The following SLC36A1 variants were observed in gnomAD, a reference collection of about 807,000 sequenced individuals.
SLC36A1 encodes solute carrier family 36 member 1, also known as proton-coupled amino acid transporter 1.
In SLC36A1, 30 loss-of-function variants were observed where a neutral mutation model predicts 47.5. That is an observed-to-expected ratio of 0.63 (90% confidence interval 0.47 to 0.86). The LOEUF is 0.86. Among genes scored for constraint, SLC36A1 ranks in the 40% least tolerant of loss-of-function variants. The pLI is 0.00. For synonymous variants in SLC36A1, 255 were observed against 249.7 expected, an observed-to-expected ratio of 1.02 and a Z score of -0.20; for missense variants, 517 against 606.0, an observed-to-expected ratio of 0.85 and a Z score of 1.54.
At chr5:151,523,390 G>A in the SLC36A1 span, among the ~76,000 whole-genome samples, 1 of 152,056 alleles carries the variant, frequency 6.6e-6, no homozygotes, top group African/African-American at 2.4e-5. Flanking sequence ...TATGAGATAG[G>A]TACTATCAAG....
the SLC36A1 span, chr5:151,543,067 G>T: frequency 6.2e-7 from 1 of 1,614,148 alleles, no homozygotes; most frequent in South Asian, 1.1e-5. Context: ...TTTCGGTAAG[G>T]ATACTTTTTT....
At position 151,488,531 on chromosome 5, in the gene SLC36A1, C is replaced by G. The variant is rs10076469; in HGVS notation, c.*277C>G. On this transcript the variant is annotated 3_prime_UTR_variant, in exon 11 of 11. Transcript: ENST00000243389. ...TTCCAGCTCCCCCTCATCATGCCTC[C>G]TCCTTCCTACCTGCCTCCCCTCTGC... is the stretch of plus-strand genomic sequence containing the variant. 0.02 allele frequency: 9,451 copies of G among 466,504 alleles called. 697 individuals carry two copies. The highest frequency in any genetic ancestry group is 0.17 in the African/African-American group (8,542 of 51,496). The allele number at this position is 466,504 out of a possible 1,614,324, so 28.9% of individuals were successfully genotyped here.
At chr5:151,365,357 G>A in the SLC36A1 span, among the ~76,000 whole-genome samples, 4 of 152,156 alleles carry the variant, frequency 2.6e-5, no homozygotes, top group Non-Finnish European at 4.4e-5. Context: ...CCTGGTTAAG[G>A]TGCCCAGTAA....
rs377427045 is a variant in SLC36A1, at chr5:151,464,552, C to G, written c.273C>G (p.Ala91=). 6.2e-7 allele frequency: 1 copy of G among 1,613,946 alleles called. No individual in the cohort carries two copies. The highest frequency in any genetic ancestry group is 1.3e-5 in the African/African-American group (1 of 74,912). The change falls in exon 4 of 11, where the codon GCC becomes GCG. Residue 91 remains alanine, a synonymous_variant. Transcript: ENST00000243389. ...PISLLIIGIV[A]VHCMGILVKC... Reference sequence around the variant, plus strand: ...GCCTGCTGATCATAGGCATCGTGGCCGTGCACTGCATGGGTATCCTGGTGA... The same window carrying G: ...GCCTGCTGATCATAGGCATCGTGGCGGTGCACTGCATGGGTATCCTGGTGA...
chr5:151,544,966 C>G, the SLC36A1 span: 3,380 of 1,614,146 alleles, frequency 2.1e-3, 60 homozygotes, highest in African/African-American at 0.04. Context: ...TCTGACCAAA[C>G]CCTGAGCCAC....
the SLC36A1 span, among the ~76,000 whole-genome samples, chr5:151,555,663 C>G: frequency 6.6e-6 from 1 of 152,174 alleles, no homozygotes; most frequent in African/African-American, 2.4e-5. Context: ...AGCCACCGTG[C>G]CTGGCTAATA....
chr5:151,493,529 GAAAATACATTTA>G (rs1345242226), downstream of SLC36A1, among the ~76,000 whole-genome samples: 2 of 152,176 alleles, frequency 1.3e-5, no homozygotes, highest in African/African-American at 4.8e-5. Flanking sequence ...TAGAACTCAG[GAAAATACATTTA>G]CCAGTATAAG....
chr5:151,530,611 A>G, the SLC36A1 span, among the ~76,000 whole-genome samples: 1 of 152,254 alleles, frequency 6.6e-6, no homozygotes. Flanking sequence ...CTAACAAACC[A>G]GTTTCGAAAA....
rs991897886 is a variant in SLC36A1, at chr5:151,464,499, A to G, written c.235-15A>G. 3 of 1,610,450 alleles carry G rather than the reference A, an allele frequency of 1.9e-6. No homozygotes were observed. Among genetic ancestry groups the G allele is most frequent in the Non-Finnish European group, 2.5e-6 (3 of 1,177,362 alleles). On this transcript the variant is annotated splice_polypyrimidine_tract_variant and intron_variant, in intron 3 of 10. Coordinates refer to ENST00000243389, the MANE Select transcript of SLC36A1 (RefSeq NM_078483.4). ...ACTTTTCTCTCTCTCTTTTGCCTGC[A>G]ATATCTGTCCCCAGATGGGTCCCAT...
chr5:151,536,531 A>C, the SLC36A1 span, among the ~76,000 whole-genome samples: 1 of 152,052 alleles, frequency 6.6e-6, no homozygotes, highest in Admixed American at 6.5e-5. Flanking sequence ...GCAGGGCAGG[A>C]ATCCCTCCTA....
Position 151,479,485 on chromosome 5 carries a change from G to C in SLC36A1, c.1155G>C (p.Leu385=). ...TTGTGCGCACAGTGCTGGTCTGCCT[G>C]ACATGTGAGTAGAAGATGATAATTG... ...DLFVRTVLVC[L]TCILAILIPR... The change falls in exon 10 of 11, where the codon CTG becomes CTC. Residue 385 remains leucine, a synonymous_variant. Transcript: ENST00000243389. 6.2e-7 allele frequency: 1 copy of C among 1,612,936 alleles called. No individual in the cohort carries two copies. Among genetic ancestry groups the C allele is most frequent in the Non-Finnish European group, 8.5e-7 (1 of 1,179,136 alleles).
At chr5:151,464,308 G>C (rs1443567505) in intron 3 of SLC36A1, among the ~76,000 whole-genome samples, 1 of 152,122 alleles carries the variant, frequency 6.6e-6, no homozygotes, top group Non-Finnish European at 1.5e-5. Flanking sequence ...TAAATCTCTC[G>C]AAAATGTGCT....
chr5:151,505,855 A>G, the SLC36A1 span: 12 of 1,610,330 alleles, frequency 7.5e-6, no homozygotes, highest in Non-Finnish European at 3.4e-6. Flanking sequence ...GGGGGCCGAG[A>G]GGGCATCAGA....
chr5:151,479,962 C>A, intron 10 of SLC36A1: 3 of 646,542 alleles, frequency 4.6e-6, no homozygotes, highest in Non-Finnish European at 7.8e-6. Flanking sequence ...TAATGTCAGT[C>A]TTACTAAATA....
chr5:151,528,593 A>G, the SLC36A1 span, among the ~76,000 whole-genome samples: 1 of 152,012 alleles, frequency 6.6e-6, no homozygotes, highest in African/African-American at 2.4e-5. Flanking sequence ...GTGAGCCCAG[A>G]GTGTGGAAGT....
chr5:151,476,699 A>G lies in SLC36A1; in HGVS notation c.932A>G (p.Tyr311Cys). ...ILYISLGCLG[Y>C]LQFGANIQGS... is the part of the protein sequence containing the mutation. ...TACATCAGCCTGGGGTGTCTGGGGT[A>G]CCTGCAATTTGGAGCTAATATCCAA... is the stretch of plus-strand genomic sequence containing the variant. Residue 311 changes from tyrosine to cysteine, a missense_variant, in exon 9 of 11, where the codon TAC becomes TGC. Transcript: ENST00000243389. The G allele has an allele frequency of 6.2e-7, 1 of 1,613,668 alleles. No homozygotes were observed. The highest frequency in any genetic ancestry group is 2.2e-5 in the East Asian group (1 of 44,876).
the SLC36A1 span, among the ~76,000 whole-genome samples, chr5:151,498,061 C>T: frequency 6.6e-6 from 1 of 152,038 alleles, no homozygotes; most frequent in Non-Finnish European, 1.5e-5. Flanking sequence ...TTCTCTGCCT[C>T]AGCCTCCTAA....
intron 1 of SLC36A1, among the ~76,000 whole-genome samples, chr5:151,437,407 C>T (rs1759832289): frequency 6.6e-6 from 1 of 152,180 alleles, no homozygotes; most frequent in South Asian, 2.1e-4. Flanking sequence ...CCTTATCTGA[C>T]TTACTCTATC....
the SLC36A1 span, among the ~76,000 whole-genome samples, chr5:151,527,808 C>G: frequency 1.3e-5 from 2 of 152,182 alleles, no homozygotes; most frequent in African/African-American, 2.4e-5. Context: ...CGGGGTCACT[C>G]AGTCCCTCTC....
Sources: allele counts gnomAD v4.1 joint callset (sites outside exome capture counted in the v4.1 genomes callset), GRCh38; gene constraint gnomAD v4.1.1; transcripts MANE v1.5; gene names NCBI Gene and HGNC (gene_info 2026-07-23, HGNC 2026-07-21).